Variants in SHANK1 observed in about 807,000 individuals in gnomAD.
SHANK1 encodes SH3 and multiple ankyrin repeat domains protein 1.
A neutral mutation model predicts 165.6 loss-of-function variants in SHANK1; 35 were observed. That is an observed-to-expected ratio of 0.21 (90% CI 0.16 to 0.28). The LOEUF (loss-of-function observed/expected upper bound fraction) is 0.28. SHANK1 is among the 10% of genes least tolerant of loss of function. The pLI, the probability that SHANK1 is intolerant of heterozygous loss-of-function variation, is 1.00. For missense variants in SHANK1, 2,681 were observed against 3,036.4 expected (o/e 0.88, Z 2.75); for synonymous variants, 1,428 against 1,384.8 (o/e 1.03, Z -0.69).
chr19:50,703,125 T>G (rs11667534), intron 11 of SHANK1, among the ~76,000 whole-genome samples: 1 of 142,658 alleles, frequency 7.0e-6, no homozygotes, highest in Non-Finnish European at 1.5e-5. Flanking sequence ...CCCCCGCCCC[T>G]TCCTCATCCT....
chr19:50,672,271 C>A (rs1486152527), intron 21 of SHANK1, among the ~76,000 whole-genome samples, 157 bp from the exon 22 acceptor site: 2 of 152,148 alleles, frequency 1.3e-5, no homozygotes, highest in African/African-American at 4.8e-5. Flanking sequence ...GGAGGCCGGG[C>A]AACGTGGCTC....
chr19:50,679,345 G>A (rs1483878355), intron 21 of SHANK1, among the ~76,000 whole-genome samples: 1 of 151,772 alleles, frequency 6.6e-6, no homozygotes, highest in Non-Finnish European at 1.5e-5. Context: ...GCTGACAAAA[G>A]ACACTTCAGC....
rs59312377 is a variant in SHANK1, at chr19:50,683,350, A to G, written c.2577+2887T>C. 0.012 allele frequency among the ~76,000 whole-genome samples: 1,855 copies of G among 152,328 alleles called. 53 individuals are homozygous for G. In the East Asian group the frequency reaches 0.13, roughly 10 times the overall value. The stretch of plus-strand genomic sequence containing the variant: ...TGTGGCTATATGCAGTAGTTGTGTT[A>G]TATGGGGTTGCCACACATTTCCCTC... On this transcript the variant is annotated intron_variant, in intron 21 of 23. Transcript: ENST00000293441.
At chr19:50,672,850 C>T (rs999155060) in intron 21 of SHANK1, among the ~76,000 whole-genome samples, 1 of 152,100 alleles carries the variant, frequency 6.6e-6, no homozygotes, top group African/African-American at 2.4e-5. Flanking sequence ...ATGCTATTGC[C>T]CCTGCTTGAA....
chr19:50,669,233 G>T lies in SHANK1; in HGVS notation c.2727C>A (p.Ser909Arg). 6.2e-7 allele frequency: 1 copy of T among 1,612,006 alleles called. No individual in the cohort carries two copies. The highest frequency in any genetic ancestry group is 8.5e-7 in the Non-Finnish European group (1 of 1,179,124). Residue 909 changes from serine (S) to arginine (R), a missense_variant, in exon 23 of 24, where the codon AGC becomes AGA. Transcript: ENST00000293441. The stretch of plus-strand genomic sequence containing the variant: ...CCGAACCAGGCACAGACAGGCTGCG[G>T]CTGAATTTCATGGCTGGGGGTGCTA... ...PYLAPPAMKFSRSLSVPGSED... is the reference protein window; with the variant it reads ...PYLAPPAMKFRRSLSVPGSED...
chr19:50,689,373 C>G, intron 15 of SHANK1, 94 bp from the exon 16 acceptor site: 1 of 891,528 alleles, frequency 1.1e-6, no homozygotes, highest in Non-Finnish European at 1.9e-6. Context: ...CAACCCAGAC[C>G]CAAACCTCTG....
Position 50,661,856 on chromosome 19 carries a change from TTGAAC to T in SHANK1, c.*104_*108del, listed in dbSNP as rs1985239501. 2.3e-6 allele frequency: 3 copies of T among 1,305,404 alleles called. No homozygotes were observed. In the Admixed American group the frequency reaches 5.4e-5, roughly 23 times the overall value. The allele number at this position is 1,305,404 out of a possible 1,614,324, so 80.9% of individuals were successfully genotyped here. On this transcript the variant is annotated 3_prime_UTR_variant, in exon 24 of 24. Transcript: ENST00000293441. ...TTGGGAGATGAGGGCAGGGCGCAGT[TTGAAC>T]AGAGTCCCTGGCCCGGGGAGAGAAT...
At chr19:50,687,106 CT>C (rs1352988103) in intron 19 of SHANK1, 2 of 1,174,344 alleles carry the variant, frequency 1.7e-6, no homozygotes. Flanking sequence ...GAGGGGCCCC[CT>C]GTCTGGAAGC....
At chr19:50,691,065 G>C (rs144815326) in intron 15 of SHANK1, among the ~76,000 whole-genome samples, 79 of 152,120 alleles carry the variant, frequency 5.2e-4, no homozygotes, top group African/African-American at 6.3e-4. Flanking sequence ...CTCAAAGTTC[G>C]TAACAGTCCA....
At chr19:50,701,241 G>T (rs1372524047) in intron 12 of SHANK1, among the ~76,000 whole-genome samples, 1 of 146,346 alleles carries the variant, frequency 6.8e-6, no homozygotes. Flanking sequence ...TGTCAGCCAG[G>T]TGTGATCTTG....
rs1162731689 is a variant in SHANK1 at position 50,661,120 on chromosome 19, A to G, written c.*845T>C. Among the ~76,000 whole-genome samples the G allele has an allele frequency of 1.3e-5, 2 of 152,120 alleles. No individual in the cohort carries two copies. The highest frequency in any genetic ancestry group is 1.9e-4 in the East Asian group (1 of 5,194). On this transcript the variant is annotated 3_prime_UTR_variant, in exon 24 of 24. Coordinates refer to ENST00000293441, the MANE Select transcript of SHANK1 (RefSeq NM_016148.5). ...GGCTGAGCAAAGAGCAGGGCACTCC[A>G]GAGAATGAATGATGTGCATGGAGTC... is the stretch of plus-strand genomic sequence containing the variant.
At position 50,666,564 on chromosome 19, in the gene SHANK1, G is replaced by T; in HGVS notation, c.5396C>A (p.Ala1799Asp). ...GGGGGGTCCTGAACAAGCACGCAGG[G>T]CCAGCAGCCCATCGGTTCCAGCCCC... The part of the protein sequence containing the change: ...VTGAGTDGLL[A>D]LRACSGPPTA... Residue 1799 changes from alanine to aspartate, a missense_variant, in exon 23 of 24, where the codon GCC becomes GAC. Ala to Asp is a moderately radical substitution (Grantham distance 126). Around this residue, in one of 10 missense-constraint regions of SHANK1, gnomAD observed 1,713 missense variants for 1,630.2 expected, o/e 1.05. Transcript: ENST00000293441. The T allele has an allele frequency of 6.3e-7, 1 of 1,599,426 alleles. No homozygotes were observed. The highest frequency in any genetic ancestry group is 8.5e-7 in the Non-Finnish European group (1 of 1,175,220).
chr19:50,672,172 G>T, intron 21 of SHANK1, 58 bp from the exon 22 acceptor site: 1 of 1,374,604 alleles, frequency 7.3e-7, no homozygotes, highest in Non-Finnish European at 1.0e-6. Context: ...ATCAGTCAGC[G>T]CAGAAAGGCT....
In SHANK1 at chr19:50,666,636, C is replaced by G. The variant is rs778008128; in HGVS notation, c.5324G>C (p.Gly1775Ala). The change falls in exon 23 of 24, where the codon GGA becomes GCA. Residue 1775 changes from glycine to alanine, a missense_variant. By Grantham distance (60) the Gly-to-Ala change is moderately conservative (BLOSUM62 0). This residue lies in a region of SHANK1 where 1,713 missense variants were observed against 1,630.2 expected (regional missense o/e 1.05). Transcript: ENST00000293441. The part of the protein sequence containing the change: ...SGGLRPGPSG[G>A]LRDPVTPTSP... ...GGTGGGGGTAACAGGGTCTCGGAGT[C>G]CCCCGCTGGGGCCAGGCCGCAGGCC... 7 of 1,596,310 alleles carry G rather than the reference C, an allele frequency of 4.4e-6. No individual in the cohort carries two copies. The African/African-American group carries it at 6.7e-5, about 15-fold the overall frequency.
intron 23 of SHANK1, among the ~76,000 whole-genome samples, chr19:50,664,933 T>G (rs1985415896): frequency 6.6e-6 from 1 of 152,120 alleles, no homozygotes; most frequent in South Asian, 2.1e-4. Flanking sequence ...TTTTTGTATT[T>G]TTTTTAGTAG....
intron 19 of SHANK1, 133 bp downstream of exon 19, chr19:50,687,449 C>T (rs763662925): frequency 2.7e-5 from 18 of 667,240 alleles, no homozygotes; most frequent in African/African-American, 9.2e-5. Context: ...GGCCAGAGTC[C>T]GACCCATGGA....
At chr19:50,701,191 G>A (rs1415462984) in intron 12 of SHANK1, among the ~76,000 whole-genome samples, 5 of 128,586 alleles carry the variant, frequency 3.9e-5, no homozygotes, top group Non-Finnish European at 7.9e-5. Flanking sequence ...GGAAAATGAT[G>A]GCTTTTTTTT....
At position 50,660,182 on chromosome 19, in the gene SHANK1, G is replaced by A. The variant is rs368159323; in HGVS notation, c.*1783C>T. 5.9e-3 allele frequency among the ~76,000 whole-genome samples: 873 copies of A among 147,016 alleles called. 11 individuals are homozygous for A. The highest frequency in any genetic ancestry group is 0.02 in the African/African-American group (821 of 40,910). ...CCACAGCAGGGGAGGGGGCTTTTCA[G>A]GGGGAGGGGTGGCTTAACATTCCCA... On this transcript the variant is annotated 3_prime_UTR_variant, in exon 24 of 24. Coordinates refer to ENST00000293441, the MANE Select transcript of SHANK1 (RefSeq NM_016148.5).
intron 21 of SHANK1, among the ~76,000 whole-genome samples, chr19:50,685,724 AAAAT>A (rs879294621): frequency 4.6e-5 from 7 of 151,742 alleles, no homozygotes; most frequent in East Asian, 1.9e-4. Context: ...ACTCAGTCTC[AAAAT>A]AAATAAATAA....
Sources: gnomAD v4.1 joint callset for allele counts (sites outside exome capture counted in the v4.1 genomes callset) on GRCh38, gnomAD v4.1.1 for gene constraint, gnomAD v4.1.1 regional missense constraint, MANE v1.5 for transcripts, NCBI Gene and HGNC (gene_info 2026-07-23, HGNC 2026-07-21) for gene names.